Variants in GJA3 observed in about 807,000 individuals in gnomAD.
GJA3 encodes the protein gap junction protein alpha 3, also known as gap junction alpha-3 protein.
For synonymous variants in GJA3, 297 were observed against 292.6 expected, an observed-to-expected ratio of 1.02 and a Z score of -0.15; for missense variants, 571 against 620.3, an observed-to-expected ratio of 0.92 and a Z score of 0.84.
Position 20,142,222 on chromosome 13 carries a change from C to T in GJA3, c.1067G>A (p.Gly356Asp). 6.6e-7 allele frequency: 1 copy of T among 1,519,670 alleles called. No individual in the cohort carries two copies. Among genetic ancestry groups the T allele is most frequent in the East Asian group, 2.5e-5 (1 of 39,462 alleles). The allele number at this position is 1,519,670 out of a possible 1,614,324, so 94.1% of individuals were successfully genotyped here. A position where few individuals can be genotyped will look rare whatever the true frequency, so the allele number is the denominator to read the frequency against. The change falls in exon 2 of 2, where the codon GGC becomes GAC. Residue 356 changes from glycine to aspartate, a missense_variant. Coordinates refer to ENST00000241125, the MANE Select transcript of GJA3 (RefSeq NM_021954.4). ...ASTPAAPSPV[G>D]SSSPPLAHEA... is the part of the protein sequence containing the mutation. ...GTGCGCGAGTGGCGGGGAGCTGCTG[C>T]CGACGGGGCTGGGGGCTGCAGGCGT...
chr13:20,147,717 G>A (rs577857624), intron 1 of GJA3, among the ~76,000 whole-genome samples: 63 of 152,102 alleles, frequency 4.1e-4, no homozygotes, highest in African/African-American at 1.3e-3. Flanking sequence ...TTCATTTTTC[G>A]CAGTTGTAGC....
chr13:20,142,134 G>C lies in GJA3; in HGVS notation c.1155C>G (p.Ser385Arg). ...LDGSGSSLEG[S>R]ALAGTPEEEE... is the part of the protein sequence containing the mutation. The stretch of plus-strand genomic sequence containing the variant: ...CCTCCTCGGGGGTCCCTGCCAGGGC[G>C]CTCCCCTCCAGACTGCTGCCGCTCC... The change falls in exon 2 of 2, where the codon AGC (serine) becomes AGG (arginine). Residue 385 changes from serine to arginine, a missense_variant. By Grantham distance (110) the Ser-to-Arg change is moderately radical. Coordinates refer to ENST00000241125, the MANE Select transcript of GJA3 (RefSeq NM_021954.4). 3 of 1,541,182 alleles carry C rather than the reference G, an allele frequency of 1.9e-6. No individual in the cohort carries two copies. Among genetic ancestry groups the C allele is most frequent in the Non-Finnish European group, 2.6e-6 (3 of 1,144,220 alleles).
intron 1 of GJA3, among the ~76,000 whole-genome samples, chr13:20,160,265 A>T (rs1160418191): frequency 6.6e-6 from 1 of 152,226 alleles, no homozygotes. Context: ...CATAACAAAC[A>T]TACAGGTCGA....
At chr13:20,153,209 C>A (rs1322221609) in intron 1 of GJA3, among the ~76,000 whole-genome samples, 1 of 152,052 alleles carries the variant, frequency 6.6e-6, no homozygotes, top group Non-Finnish European at 1.5e-5. Flanking sequence ...GTCAAAATAA[C>A]AAAAGGAACA....
rs1958819604 is a variant in GJA3 at position 20,142,838 on chromosome 13, A to G, written c.451T>C (p.Phe151Leu). The G allele has an allele frequency of 1.9e-6, 3 of 1,613,412 alleles. No homozygotes were observed. The highest frequency in any genetic ancestry group is 1.1e-5 in the South Asian group (1 of 91,074). Reference sequence around the variant, plus strand: ...AACAGCGTCTTGAAGATGATGTTGAAGACGTAGGTCCGCAGCAGCGCCCCG... The same window carrying G: ...AACAGCGTCTTGAAGATGATGTTGAGGACGTAGGTCCGCAGCAGCGCCCCG... ...MAGALLRTYV[F>L]NIIFKTLFEV... The change falls in exon 2 of 2, where the codon TTC (phenylalanine) becomes CTC (leucine). Residue 151 changes from phenylalanine to leucine, a missense_variant. Physicochemically the swap from Phe to Leu is conservative, Grantham distance 22. Coordinates refer to ENST00000241125, the MANE Select transcript of GJA3 (RefSeq NM_021954.4).
intron 1 of GJA3, among the ~76,000 whole-genome samples, chr13:20,152,436 G>C (rs957770966): frequency 1.3e-5 from 2 of 152,108 alleles, no homozygotes; most frequent in Non-Finnish European, 2.9e-5. Flanking sequence ...CCAGGCTGGA[G>C]TGCAGTGGTA....
At chr13:20,155,493 T>C (rs1958902317) in intron 1 of GJA3, among the ~76,000 whole-genome samples, 1 of 152,150 alleles carries the variant, frequency 6.6e-6, no homozygotes, top group African/African-American at 2.4e-5. Flanking sequence ...TTTTCCACTT[T>C]ATGTTTCAAA....
chr13:20,153,911 C>T (rs1266073001), intron 1 of GJA3, among the ~76,000 whole-genome samples: 3 of 152,014 alleles, frequency 2.0e-5, no homozygotes, highest in Admixed American at 1.3e-4. Flanking sequence ...TCCTGAATCT[C>T]TGAAGTTTCA....
Position 20,141,656 on chromosome 13 carries a change from C to A in GJA3, c.*325G>T. The A allele has an allele frequency of 3.0e-6, 1 of 338,042 alleles. No homozygotes were observed. The highest frequency in any genetic ancestry group is 5.3e-6 in the Non-Finnish European group (1 of 187,176). 20.9% of individuals were successfully genotyped at this position (338,042 alleles called of 1,614,324 possible). ...GGACTGCAGGATACCTGTTGCTTTA[C>A]CACTACAGAACAGTTACCCCCAGAG... On this transcript the variant is annotated 3_prime_UTR_variant, in exon 2 of 2. Transcript: ENST00000241125.
rs1474061737 is a variant in GJA3, at chr13:20,145,738, G to A, written c.-17-2433C>T. Among the ~76,000 whole-genome samples the A allele has an allele frequency of 3.9e-5, 6 of 152,304 alleles. No homozygotes were observed. The East Asian group carries it at 1.2e-3, about 29-fold the overall frequency. Reference sequence around the variant, plus strand: ...GCCCCGCTCCGTCCGGCCACTGCCTGCTGACCTGCCCCTTGCCTACACAGT... The same window carrying A: ...GCCCCGCTCCGTCCGGCCACTGCCTACTGACCTGCCCCTTGCCTACACAGT... On this transcript the variant is annotated intron_variant, in intron 1 of 1. Transcript: ENST00000241125.
chr13:20,142,496 C>T lies in GJA3; in HGVS notation c.793G>A (p.Ala265Thr), dbSNP rs1315097228. 4 of 1,552,024 alleles carry T rather than the reference C, an allele frequency of 2.6e-6. No individual in the cohort carries two copies. Among genetic ancestry groups the T allele is most frequent in the Non-Finnish European group, 3.5e-6 (4 of 1,149,024 alleles). Residue 265 changes from alanine to threonine, a missense_variant, in exon 2 of 2, where the codon GCC (alanine) becomes ACC (threonine). Ala to Thr is a moderately conservative substitution (Grantham distance 58). Coordinates refer to ENST00000241125, the MANE Select transcript of GJA3 (RefSeq NM_021954.4). ...GCATAGTAGGGTGGGAACCCGATGG[C>T]AACGGCGGGCGGCCGGGAGCTGGGG... ...LPPSSRPPAV[A>T]IGFPPYYAHT...
intron 1 of GJA3, among the ~76,000 whole-genome samples, chr13:20,160,279 A>G (rs1431272471): frequency 6.6e-6 from 1 of 152,214 alleles, no homozygotes; most frequent in Admixed American, 6.5e-5. Context: ...AGGTCGAGAA[A>G]TCTGGTCGTG....
chr13:20,159,458 A>G (rs1443639456), intron 1 of GJA3, among the ~76,000 whole-genome samples: 1 of 23,964 alleles, frequency 4.2e-5, no homozygotes, highest in Non-Finnish European at 1.4e-4. Flanking sequence ...CTCCATCTCA[A>G]AAAAAAAAAA....
At chr13:20,157,217 G>A (rs1028735515) in intron 1 of GJA3, among the ~76,000 whole-genome samples, 6 of 152,188 alleles carry the variant, frequency 3.9e-5, no homozygotes, top group African/African-American at 1.4e-4. Context: ...CTTGGGGCAA[G>A]GGTAAGTAAT....
In GJA3 at chr13:20,142,916, G is replaced by C; in HGVS notation, c.373C>G (p.Pro125Ala). 1.9e-6 allele frequency: 3 copies of C among 1,581,690 alleles called. No homozygotes were observed. Among genetic ancestry groups the C allele is most frequent in the Non-Finnish European group, 2.6e-6 (3 of 1,163,734 alleles). Residue 125 changes from proline to alanine, a missense_variant, in exon 2 of 2, where the codon CCA becomes GCA. Physicochemically the swap from Pro to Ala is conservative, Grantham distance 27. Transcript: ENST00000241125. ...LKRESPSPKE[P>A]PQDNPSSRDD... ...CGCGACGAGGGATTGTCCTGCGGTG[G>C]CTCCTTGGGGCTGGGGCTCTCTCTC...
Position 20,143,309 on chromosome 13 carries a change from T to C in GJA3, c.-17-4A>G. ...CCCATTGCTTCAGATTCCTAACCTGTAAGAGGAAAATGCTCATGAACACCG... is the reference window on the plus strand; with the variant it reads ...CCCATTGCTTCAGATTCCTAACCTGCAAGAGGAAAATGCTCATGAACACCG... On this transcript the variant is annotated splice_region_variant and splice_polypyrimidine_tract_variant and intron_variant, in intron 1 of 1. Coordinates refer to ENST00000241125, the MANE Select transcript of GJA3 (RefSeq NM_021954.4). 1 of 1,507,020 alleles carries C rather than the reference T, an allele frequency of 6.6e-7. No homozygotes were observed. The highest frequency in any genetic ancestry group is 8.8e-7 in the Non-Finnish European group (1 of 1,133,596). The allele number at this position is 1,507,020 out of a possible 1,614,324, so 93.4% of individuals were successfully genotyped here. A position where few individuals can be genotyped will look rare whatever the true frequency, so the allele number is the denominator to read the frequency against.
intron 1 of GJA3, among the ~76,000 whole-genome samples, chr13:20,148,845 A>T (rs1463979142): frequency 6.6e-6 from 1 of 152,214 alleles, no homozygotes; most frequent in Non-Finnish European, 1.5e-5. Flanking sequence ...AGAATACCAC[A>T]GCCCATGTTG....
intron 1 of GJA3, among the ~76,000 whole-genome samples, chr13:20,144,481 T>G (rs1958831094): frequency 6.6e-6 from 1 of 152,148 alleles, no homozygotes. Flanking sequence ...CCATGGGTGT[T>G]GGGCAGGGCT....
chr13:20,147,953 C>A (rs1321495749), intron 1 of GJA3, among the ~76,000 whole-genome samples: 1 of 152,046 alleles, frequency 6.6e-6, no homozygotes, highest in East Asian at 1.9e-4. Flanking sequence ...TTGGAGAAAG[C>A]AGTTTCCCCA....
Sources: allele counts gnomAD v4.1 joint callset (sites outside exome capture counted in the v4.1 genomes callset), GRCh38; gene constraint gnomAD v4.1.1; transcripts MANE v1.5; gene names NCBI Gene and HGNC (gene_info 2026-07-23, HGNC 2026-07-21).